SGSH: variants seen among roughly 807,000 people sequenced by gnomAD.
SGSH encodes N-sulfoglucosamine sulfohydrolase, also known as heparan sulfate sulfatase.
A neutral mutation model predicts 51.0 loss-of-function variants in SGSH; 48 were observed. That is an observed-to-expected ratio of 0.94 (90% CI 0.75 to 1.20). The LOEUF is 1.20. SGSH is among the 50% of genes most tolerant of loss of function. The pLI is 0.00. For missense variants in SGSH, 662 were observed against 717.8 expected (o/e 0.92, Z 0.89); for synonymous variants, 321 against 313.4 (o/e 1.02, Z -0.26).
chr17:80,219,902 G>A, intron 1 of SGSH: 1 of 290,788 alleles, frequency 3.4e-6, no homozygotes, highest in Non-Finnish European at 6.4e-6. Flanking sequence ...CCTCCTCTGG[G>A]ATCCCCTCCC....
chr17:80,207,127 T>G (rs201624992), downstream of SGSH: 4 of 1,449,210 alleles, frequency 2.8e-6, no homozygotes, highest in East Asian at 9.1e-5. Context: ...TCGAAGCGGC[T>G]CCTGGGCTCC....
chr17:80,211,219 G>T, intron 7 of SGSH: 1 of 1,405,418 alleles, frequency 7.1e-7, no homozygotes, highest in Non-Finnish European at 9.4e-7. Flanking sequence ...CCCTGATTCG[G>T]TGACATTTAG....
At chr17:80,205,614 TG>T (rs774239650), downstream of SGSH, 1 of 1,493,974 alleles carries the variant, frequency 6.7e-7, no homozygotes, top group South Asian at 1.2e-5. Context: ...GGGCCGCTGC[TG>T]GGTGACCCGC....
intron 1 of SGSH, among the ~76,000 whole-genome samples, chr17:80,219,161 CAAAAAAAAAAA>C (rs11430982): frequency 1.8e-5 from 1 of 54,258 alleles, no homozygotes; most frequent in East Asian, 6.2e-4. Context: ...CCCTGTCTCA[CAAAAAAAAAAA>C]AAAAAAAAAA....
chr17:80,212,742 C>A lies in SGSH; in HGVS notation c.746-468G>T. 1 of 261,824 alleles carries A rather than the reference C, an allele frequency of 3.8e-6. No homozygotes were observed. Among genetic ancestry groups the A allele is most frequent in the Non-Finnish European group, 7.6e-6 (1 of 131,594 alleles). 16.2% of individuals were successfully genotyped at this position (261,824 alleles called of 1,614,324 possible). A position where few individuals can be genotyped will look rare whatever the true frequency, so the allele number is the denominator to read the frequency against. Reference sequence around the variant, plus strand: ...GCACCAATAGGGAAATGGCAAAGGTCCTGACCTCCTGTCGTCCCTGACCCC... The same window carrying A: ...GCACCAATAGGGAAATGGCAAAGGTACTGACCTCCTGTCGTCCCTGACCCC... On this transcript the variant is annotated intron_variant, in intron 6 of 7. Transcript: ENST00000326317. The surrounding 1 kb of genome is among the most constrained non-coding windows in gnomAD (Gnocchi z 5.9).
At chr17:80,220,098 G>A (rs1181785503) in intron 1 of SGSH, 128 bp downstream of exon 1, 12 of 631,220 alleles carry the variant, frequency 1.9e-5, no homozygotes, top group South Asian at 4.1e-5. Flanking sequence ...AGGACGAGAG[G>A]GAATGGCAGC....
rs765488698 is a variant in SGSH at position 80,215,155 on chromosome 17, A to C, written c.250-17T>G. On this transcript the variant is annotated splice_polypyrimidine_tract_variant and intron_variant, in intron 2 of 7. Coordinates refer to ENST00000326317, the MANE Select transcript of SGSH (RefSeq NM_000199.5). The stretch of plus-strand genomic sequence containing the variant: ...ATTCTGATGCTGCCAGCAAAGGCGC[A>C]TGAGGTCCGGGGCCCCCGGACAGCC... 6.2e-7 allele frequency: 1 copy of C among 1,600,902 alleles called. No individual in the cohort carries two copies. Among genetic ancestry groups the C allele is most frequent in the South Asian group, 1.1e-5 (1 of 90,748 alleles).
chr17:80,217,282 G>A (rs1054185855), intron 1 of SGSH, 90 bp from the exon 2 acceptor site: 7 of 1,468,156 alleles, frequency 4.8e-6, no homozygotes, highest in Non-Finnish European at 6.5e-6. Context: ...TGTGATGCCA[G>A]AAGGCGAGAC....
downstream of SGSH, chr17:80,202,382 G>C: frequency 6.2e-7 from 1 of 1,613,196 alleles, no homozygotes; most frequent in Non-Finnish European, 8.5e-7. Context: ...ACACCATGAA[G>C]GATACTGCCG....
chr17:80,212,168 G>A lies in SGSH; in HGVS notation c.852C>T (p.Asn284=), dbSNP rs1295667096. 6.2e-7 allele frequency: 1 copy of A among 1,613,516 alleles called. No individual in the cohort carries two copies. Among genetic ancestry groups the A allele is most frequent in the Non-Finnish European group, 8.5e-7 (1 of 1,180,020 alleles). Residue 284 remains asparagine (N), a synonymous_variant, in exon 7 of 8, where the codon AAC becomes AAT. Coordinates refer to ENST00000326317, the MANE Select transcript of SGSH (RefSeq NM_000199.5). The surrounding 1 kb of genome is among the most constrained non-coding windows in gnomAD (Gnocchi z 5.9). ...NGIPFPSGRT[N]LYWPGTAEPL... ...GTTCAGCAGTGCCCGGCCAGTACAG[G>A]TTGGTCCTGCCGCTGGGGAAGGGGA...
rs1211467293 is a variant in SGSH at position 80,209,849 on chromosome 17, G to C, written c.*603C>G. ...GCCAATCAGCTGAAACCTGCCTGGG[G>C]AACAGGGACTTGACCATGGGGCAAA... On this transcript the variant is annotated 3_prime_UTR_variant, in exon 8 of 8. Coordinates refer to ENST00000326317, the MANE Select transcript of SGSH (RefSeq NM_000199.5). 2 of 988,660 alleles carry C rather than the reference G, an allele frequency of 2.0e-6. No individual in the cohort carries two copies. The highest frequency in any genetic ancestry group is 1.1e-4 in the East Asian group (1 of 8,870). 61.2% of individuals were successfully genotyped at this position (988,660 alleles called of 1,614,324 possible).
chr17:80,213,839 G>T lies in SGSH; in HGVS notation c.710C>A (p.Ala237Asp). ...PNTPAARADL[A>D]AQYTTVGRMD... ...GCGGCCGACGGTGGTGTACTGAGCG[G>T]CCAGGTCGGCTCGGGCTGCCGGGGT... Residue 237 changes from alanine to aspartate, a missense_variant, in exon 6 of 8, where the codon GCC becomes GAC. Physicochemically the swap from Ala to Asp is moderately radical, Grantham distance 126 (BLOSUM62 -2). Transcript: ENST00000326317. This position sits in a 1 kb window ranked among gnomAD's most constrained non-coding sequence, Gnocchi z 4.6. 6.2e-7 allele frequency: 1 copy of T among 1,608,480 alleles called. No homozygotes were observed.
chr17:80,204,206 CT>C, downstream of SGSH: 1 of 1,569,288 alleles, frequency 6.4e-7, no homozygotes, highest in Non-Finnish European at 8.7e-7. Context: ...CCTCCTCATC[CT>C]TTCTCTGTCC....
At chr17:80,206,442 C>T (rs996123026), downstream of SGSH, among the ~76,000 whole-genome samples, 1 of 152,016 alleles carries the variant, frequency 6.6e-6, no homozygotes, top group African/African-American at 2.4e-5. Flanking sequence ...AGTGAGACAC[C>T]CGTCTCTACA....
At chr17:80,205,407 G>A (rs2041242684), downstream of SGSH, 2 of 1,360,150 alleles carry the variant, frequency 1.5e-6, no homozygotes, top group African/African-American at 2.9e-5. Context: ...TTGTAAAGTG[G>A]ACATCCTAAG....
At position 80,217,232 on chromosome 17, in the gene SGSH, G is replaced by A. The variant is rs762924681; in HGVS notation, c.89-40C>T. ...AGACAGAGAGTGCACGGTCGGCTGC[G>A]GTCACGAGAAACAGCACTGGGAGTG... On this transcript the variant is annotated intron_variant, in intron 1 of 7. Coordinates refer to ENST00000326317, the MANE Select transcript of SGSH (RefSeq NM_000199.5). 14 of 1,576,628 alleles carry A rather than the reference G, an allele frequency of 8.9e-6. No individual in the cohort carries two copies. The African/African-American group carries it at 1.2e-4, about 14-fold the overall frequency.
chr17:80,208,923 G>C (rs1482089197), downstream of SGSH: 1 of 152,298 alleles, frequency 6.6e-6, no homozygotes, highest in Non-Finnish European at 1.5e-5. Flanking sequence ...AGTTTACAGA[G>C]ACCAGTGTGT....
chr17:80,208,669 A>G (rs1192493367), downstream of SGSH: 2 of 270,502 alleles, frequency 7.4e-6, no homozygotes, highest in African/African-American at 4.4e-5. Context: ...GAGGCCCCGG[A>G]CTTCTCTGGA....
Position 80,212,123 on chromosome 17 carries a change from C to A in SGSH, c.897G>T (p.Pro299=). The A allele has an allele frequency of 6.2e-7, 1 of 1,613,580 alleles. No individual in the cohort carries two copies. The highest frequency in any genetic ancestry group is 1.6e-4 in the Middle Eastern group (1 of 6,062). The part of the protein sequence containing the change: ...GTAEPLLVSS[P]EHPKRWGQVS... The stretch of plus-strand genomic sequence containing the variant: ...CTTGGCCCCAGCGTTTTGGGTGCTC[C>A]GGGGATGACACCAGTAAGGGTTCAG... The change falls in exon 7 of 8, where the codon CCG becomes CCT. Residue 299 remains proline (P), a synonymous_variant. Coordinates refer to ENST00000326317, the MANE Select transcript of SGSH (RefSeq NM_000199.5). This position sits in a 1 kb window ranked among gnomAD's most constrained non-coding sequence, Gnocchi z 5.9.
Sources: allele counts gnomAD v4.1 joint callset (sites outside exome capture counted in the v4.1 genomes callset), GRCh38; gene constraint gnomAD v4.1.1; non-coding constraint Gnocchi (gnomAD v3.1); transcripts MANE v1.5; gene names NCBI Gene and HGNC (gene_info 2026-07-23, HGNC 2026-07-21).